The following PHC2 variants were observed in gnomAD, a reference collection of about 807,000 sequenced individuals.
PHC2 encodes polyhomeotic homolog 2.
A neutral mutation model predicts 87.4 loss-of-function variants in PHC2; 29 were observed. The ratio of observed to expected loss-of-function variants is 0.33; its 90% CI spans 0.25 to 0.45. The LOEUF (loss-of-function observed/expected upper bound fraction) is 0.45, where lower values mean the gene tolerates loss of function less well. PHC2 is among the 20% of genes least tolerant of loss of function. The probability of loss-of-function intolerance (pLI) is 1.00; values close to 1 mark genes in which losing one functional copy is unlikely to be tolerated. For synonymous variants in PHC2, 438 were observed against 461.7 expected (o/e 0.95, Z 0.66); for missense variants, 857 against 1,136.7 (o/e 0.75, Z 3.54).
At position 33,331,589 on chromosome 1, in the gene PHC2, C is replaced by T; in HGVS notation, c.1892-127G>A. On this transcript the variant is annotated intron_variant, in intron 11 of 14. Coordinates refer to ENST00000683057, the MANE Select transcript of PHC2 (RefSeq NM_001385109.1). This position sits in a 1 kb window ranked among gnomAD's most constrained non-coding sequence, Gnocchi z 5.2. The stretch of plus-strand genomic sequence containing the variant: ...CTGCTCCCACAGCTGTGACATACAG[C>T]AGCATTCTAGCATGGAAAATGCCAG... 3.2e-6 allele frequency: 2 copies of T among 631,054 alleles called. No homozygotes were observed. The highest frequency in any genetic ancestry group is 1.8e-5 in the African/African-American group (1 of 55,094). 39.1% of individuals were successfully genotyped at this position (631,054 alleles called of 1,614,324 possible). A position where few individuals can be genotyped will look rare whatever the true frequency, so the allele number is the denominator to read the frequency against.
At chr1:33,390,715 CAG>C (rs1649010147) in intron 1 of PHC2, among the ~76,000 whole-genome samples, 1 of 146,962 alleles carries the variant, frequency 6.8e-6, no homozygotes, top group Non-Finnish European at 1.5e-5. Flanking sequence ...TGTAAAGGGA[CAG>C]AGTATCTAGG....
At position 33,330,120 on chromosome 1, in the gene PHC2, C is replaced by T. The variant is rs1646458577; in HGVS notation, c.2099G>A (p.Arg700Gln). ...KAGAATHNRR[R>Q]ASKASLPPLT... ...TGGTGGCAGACTGGCTTTGCTGGCC[C>T]GACGGCGGTTGTGGGTCGCAGCTCC... Residue 700 changes from arginine (R) to glutamine (Q), a missense_variant, in exon 13 of 15, where the codon CGG (arginine) becomes CAG (glutamine). Around this residue, in one of 3 missense-constraint regions of PHC2, gnomAD observed 832 missense variants for 1,081.8 expected, o/e 0.77. Transcript: ENST00000683057. The T allele has an allele frequency of 4.3e-6, 7 of 1,614,192 alleles. No homozygotes were observed. Among genetic ancestry groups the T allele is most frequent in the East Asian group, 2.2e-5 (1 of 44,884 alleles).
Position 33,324,230 on chromosome 1 carries a change from A to C in PHC2, c.*635T>G, listed in dbSNP as rs1229480579. The C allele has an allele frequency of 1.3e-5, 2 of 152,762 alleles. No homozygotes were observed. Among genetic ancestry groups the C allele is most frequent in the African/African-American group, 4.8e-5 (2 of 41,438 alleles). The allele number at this position is 152,762 out of a possible 1,614,324, so 9.5% of individuals were successfully genotyped here. ...GCTACAAAACACCTGGAGATGCCAG[A>C]GAGTAGCCCTTGGCCTATCTGTCAG... On this transcript the variant is annotated 3_prime_UTR_variant, in exon 15 of 15. Coordinates refer to ENST00000683057, the MANE Select transcript of PHC2 (RefSeq NM_001385109.1).
At chr1:33,406,223 T>C (rs1270937770) in intron 1 of PHC2, among the ~76,000 whole-genome samples, 1 of 152,204 alleles carries the variant, frequency 6.6e-6, no homozygotes, top group Non-Finnish European at 1.5e-5. Context: ...TAAATGGACA[T>C]TTATTATTTT....
chr1:33,336,508 C>A (rs1646640097), intron 9 of PHC2: 1 of 152,030 alleles, frequency 6.6e-6, no homozygotes, highest in East Asian at 1.9e-4. Flanking sequence ...TAGAAAGTTT[C>A]CATTAAGTGC....
At chr1:33,377,165 C>T (rs12128883) in intron 1 of PHC2, among the ~76,000 whole-genome samples, 28,850 of 152,172 alleles carry the variant, frequency 0.19, 2,879 homozygotes, top group South Asian at 0.25. Flanking sequence ...ACCTGTCTGA[C>T]CTGTTTCTTA....
intron 9 of PHC2, among the ~76,000 whole-genome samples, chr1:33,340,071 T>TTTCC (rs1278349707): frequency 6.6e-6 from 1 of 152,196 alleles, no homozygotes; most frequent in African/African-American, 2.4e-5. Flanking sequence ...AAACGGAGCT[T>TTTCC]TTCCTTCTAC....
rs12144672 is a variant in PHC2, at chr1:33,368,815, T to C, written c.577-193A>G. On this transcript the variant is annotated intron_variant, in intron 5 of 14. Transcript: ENST00000683057. The surrounding 1 kb of genome is among the most constrained non-coding windows in gnomAD (Gnocchi z 6.6). ...AGTAGAAGCAGAAAGGAAGGGGGAG[T>C]CCAAGGGGAGCGCCTGCCTTTCTCT... is the stretch of plus-strand genomic sequence containing the variant. Among the ~76,000 whole-genome samples the C allele has an allele frequency of 0.19, 28,642 of 150,924 alleles. 2,792 individuals are homozygous for C. The highest frequency in any genetic ancestry group is 0.24 in the Middle Eastern group (70 of 294).
chr1:33,388,325 T>A (rs1019666559), intron 1 of PHC2, among the ~76,000 whole-genome samples: 2 of 151,058 alleles, frequency 1.3e-5, no homozygotes, highest in African/African-American at 4.9e-5. Flanking sequence ...GCAATTTTTT[T>A]TTTTTTTTTT....
At chr1:33,424,791 T>C (rs190241988) in intron 1 of PHC2, among the ~76,000 whole-genome samples, 2 of 152,340 alleles carry the variant, frequency 1.3e-5, no homozygotes, top group African/African-American at 4.8e-5. Context: ...GATACTTTAG[T>C]TCTGAGTAAG....
intron 1 of PHC2, among the ~76,000 whole-genome samples, chr1:33,413,019 T>C (rs1009325654): frequency 2.6e-5 from 4 of 152,036 alleles, no homozygotes; most frequent in South Asian, 4.1e-4. Context: ...CAGGCTGGAG[T>C]GCAGTGGCAC....
At chr1:33,373,872 G>A (rs575014664) in intron 2 of PHC2, among the ~76,000 whole-genome samples, 2 of 152,040 alleles carry the variant, frequency 1.3e-5, no homozygotes, top group Admixed American at 6.5e-5. Context: ...GACTTCTAGG[G>A]CTGACAGCTC....
chr1:33,329,198 C>T, intron 13 of PHC2, 52 bp from the exon 14 acceptor site: 2 of 1,568,570 alleles, frequency 1.3e-6, no homozygotes, highest in Non-Finnish European at 1.7e-6. Flanking sequence ...TCTCTAGCAG[C>T]AGTGATGAAC....
chr1:33,338,773 G>A (rs1646689393), intron 9 of PHC2, among the ~76,000 whole-genome samples: 1 of 152,144 alleles, frequency 6.6e-6, no homozygotes, highest in Non-Finnish European at 1.5e-5. Context: ...ATTCCCACAG[G>A]TCTCAAATGC....
rs1646334545 is a variant in PHC2 at position 33,324,790 on chromosome 1, C to G, written c.*75G>C. ...CCTCCAACCGGCCCCATTTCTGGGC[C>G]CCTCAGGAATGTCTGTCTGGCTCTG... On this transcript the variant is annotated 3_prime_UTR_variant, in exon 15 of 15. Transcript: ENST00000683057. The G allele has an allele frequency of 2.0e-6, 3 of 1,476,772 alleles. No homozygotes were observed. In the Admixed American group the frequency reaches 6.4e-5, roughly 32 times the overall value. 91.5% of individuals were successfully genotyped at this position (1,476,772 alleles called of 1,614,324 possible).
Position 33,331,866 on chromosome 1 carries a change from C to G in PHC2, c.1892-404G>C, listed in dbSNP as rs931870127. ...CAGTAAAAGACCTCAGGAGCCCACG[C>G]TCCTGCAGCTGTGCAGCTCTGTCAG... On this transcript the variant is annotated intron_variant, in intron 11 of 14. Transcript: ENST00000683057. The surrounding 1 kb of genome is among the most constrained non-coding windows in gnomAD (Gnocchi z 5.2). Among the ~76,000 whole-genome samples, 16 of 152,272 alleles carry G rather than the reference C, an allele frequency of 1.1e-4. No homozygotes were observed. Among genetic ancestry groups the G allele is most frequent in the African/African-American group, 3.9e-4 (16 of 41,474 alleles).
At chr1:33,416,572 T>G in intron 1 of PHC2, among the ~76,000 whole-genome samples, 1 of 104,012 alleles carries the variant, frequency 9.6e-6, no homozygotes, top group Admixed American at 1.1e-4. Flanking sequence ...TGAGATTCTG[T>G]CTCAAAAAAA....
intron 1 of PHC2, among the ~76,000 whole-genome samples, chr1:33,405,024 G>A (rs998518518): frequency 3.3e-5 from 5 of 152,106 alleles, no homozygotes; most frequent in Admixed American, 3.3e-4. Context: ...ATGAGACAGG[G>A]CTTTGTTTAC....
At chr1:33,354,263 T>A (rs1462802366) in intron 9 of PHC2, 138 bp downstream of exon 9, 1 of 730,066 alleles carries the variant, frequency 1.4e-6, no homozygotes. Context: ...CTCACATCCC[T>A]CCTCTGTTTC....
Sources: allele counts gnomAD v4.1 joint callset (sites outside exome capture counted in the v4.1 genomes callset), GRCh38; gene constraint gnomAD v4.1.1; regional missense constraint gnomAD v4.1.1; non-coding constraint Gnocchi (gnomAD v3.1); transcripts MANE v1.5; gene names NCBI Gene and HGNC (gene_info 2026-07-23, HGNC 2026-07-21).